FOCAD: variants seen among roughly 807,000 people sequenced by gnomAD.
The protein encoded by FOCAD is focadhesin.
Under a neutral mutation model 225.6 loss-of-function variants are expected in FOCAD, and 198 were observed. That is an observed-to-expected ratio of 0.88 (90% CI 0.78 to 0.99). FOCAD has a LOEUF of 0.99. Among genes scored for constraint, FOCAD ranks in the 50% least tolerant of loss-of-function variants. The pLI is 0.00. For missense variants in FOCAD, 2,713 were observed against 2,123.6 expected (o/e 1.28, Z -5.46); for synonymous variants, 897 against 755.0 (o/e 1.19, Z -3.08).
intron 28 of FOCAD, among the ~76,000 whole-genome samples, chr9:20,940,312 A>G (rs1052827732): frequency 5.0e-5 from 7 of 140,322 alleles, no homozygotes; most frequent in African/African-American, 1.9e-4. Context: ...GAGATAGGAT[A>G]TCACTCTGTT....
intron 18 of FOCAD, among the ~76,000 whole-genome samples, chr9:20,870,689 A>G (rs1179321359): frequency 7.9e-5 from 12 of 152,188 alleles, no homozygotes; most frequent in Non-Finnish European, 1.3e-4. Flanking sequence ...CTGATATTCT[A>G]TAGTGTTCTG....
chr9:20,978,816 T>G (rs1278240473), intron 37 of FOCAD, among the ~76,000 whole-genome samples: 1 of 152,214 alleles, frequency 6.6e-6, no homozygotes, highest in African/African-American at 2.4e-5. Flanking sequence ...AGAAAGGAAA[T>G]CCATATGTAC....
At chr9:20,910,629 C>CA (rs1480720093) in intron 22 of FOCAD, among the ~76,000 whole-genome samples, 7 of 151,796 alleles carry the variant, frequency 4.6e-5, no homozygotes, top group African/African-American at 1.5e-4. Context: ...ACAGGCAATC[C>CA]AAAAAAATCT....
At chr9:20,772,757 G>T (rs186089113) in intron 8 of FOCAD, among the ~76,000 whole-genome samples, 1 of 152,040 alleles carries the variant, frequency 6.6e-6, no homozygotes, top group African/African-American at 2.4e-5. Flanking sequence ...TTTGATGGAA[G>T]TTGGGAGCCC....
At chr9:20,690,741 G>A (rs940131557) in intron 1 of FOCAD, among the ~76,000 whole-genome samples, 1 of 151,998 alleles carries the variant, frequency 6.6e-6, no homozygotes, top group Non-Finnish European at 1.5e-5. Flanking sequence ...AGCGGTGGGG[G>A]TCTTACCATG....
chr9:20,810,302 A>G (rs1466745670), intron 11 of FOCAD, among the ~76,000 whole-genome samples: 1 of 152,134 alleles, frequency 6.6e-6, no homozygotes, highest in Admixed American at 6.6e-5. Flanking sequence ...GCTTACCTAG[A>G]TGAGCTATAT....
At chr9:20,826,892 A>G (rs377490433) in intron 15 of FOCAD, among the ~76,000 whole-genome samples, 18 of 152,214 alleles carry the variant, frequency 1.2e-4, no homozygotes, top group East Asian at 1.2e-3. Context: ...ATGTTCCTGC[A>G]TTCTCTTTTT....
chr9:20,763,296 G>A (rs924189097), intron 6 of FOCAD, among the ~76,000 whole-genome samples: 1 of 152,110 alleles, frequency 6.6e-6, no homozygotes, highest in Non-Finnish European at 1.5e-5. Context: ...AGTCTGGCAG[G>A]GGGATACAGA....
At chr9:20,926,041 C>T (rs552062930) in intron 25 of FOCAD, among the ~76,000 whole-genome samples, 1 of 152,134 alleles carries the variant, frequency 6.6e-6, no homozygotes, top group Non-Finnish European at 1.5e-5. Flanking sequence ...TTGGATAGTT[C>T]TGTTTTGCAG....
chr9:20,924,099 TA>T (rs1438903388), intron 25 of FOCAD, among the ~76,000 whole-genome samples: 1 of 152,234 alleles, frequency 6.6e-6, no homozygotes, highest in African/African-American at 2.4e-5. Flanking sequence ...AAATGATAAA[TA>T]AGCAGTGTTT....
In FOCAD at chr9:20,907,158, C is replaced by T; in HGVS notation, c.2634C>T (p.Ile878=). ...GTACATTTTTCCCATAGGTTCATATCCAGCTTTCAGAGTGGCACCGTGCAA... is the reference window on the plus strand; with the variant it reads ...GTACATTTTTCCCATAGGTTCATATTCAGCTTTCAGAGTGGCACCGTGCAA... ...TSLALVHEVH[I]QLSEWHRAIF... The change falls in exon 22 of 44, where the codon ATC becomes ATT. Residue 878 remains isoleucine (I), a synonymous_variant. Coordinates refer to ENST00000338382, the MANE Select transcript of FOCAD (RefSeq NM_001375567.1). 3 of 1,612,688 alleles carry T rather than the reference C, an allele frequency of 1.9e-6. No individual in the cohort carries two copies. In the South Asian group the frequency reaches 3.3e-5, roughly 18 times the overall value.
chr9:20,712,253 C>T (rs926022216), intron 1 of FOCAD, among the ~76,000 whole-genome samples: 2 of 152,186 alleles, frequency 1.3e-5, no homozygotes, highest in Non-Finnish European at 2.9e-5. Context: ...TTCCCCATGT[C>T]AGGTGATGGC....
chr9:20,991,812 C>CAAAAAAAAAAAAAAAAAA (rs58403366), intron 42 of FOCAD, among the ~76,000 whole-genome samples: 1 of 105,984 alleles, frequency 9.4e-6, no homozygotes, highest in Non-Finnish European at 1.9e-5. Context: ...GACTCTGTCT[C>CAAAAAAAAAAAAAAAAAA]AAAAAAAAAA....
rs1429191496 is a variant in FOCAD at position 20,949,595 on chromosome 9, T to C, written c.3877-9T>C. Reference sequence around the variant, plus strand: ...TGGGTGGGATGGGTATTTCTTCTTATTCTTTCAGCTGAAATCAGAAGCCAT... The same window carrying C: ...TGGGTGGGATGGGTATTTCTTCTTACTCTTTCAGCTGAAATCAGAAGCCAT... On this transcript the variant is annotated splice_polypyrimidine_tract_variant and intron_variant, in intron 32 of 43. Transcript: ENST00000338382. The C allele has an allele frequency of 5.6e-6, 9 of 1,612,428 alleles. No homozygotes were observed. The South Asian group carries it at 9.9e-5, about 18-fold the overall frequency.
At chr9:20,821,289 G>A (rs980199016) in intron 14 of FOCAD, among the ~76,000 whole-genome samples, 4 of 151,900 alleles carry the variant, frequency 2.6e-5, no homozygotes, top group African/African-American at 9.7e-5. Context: ...ATCTAGGTTC[G>A]TAGGATATTT....
chr9:20,918,033 G>A (rs571117074), intron 24 of FOCAD, among the ~76,000 whole-genome samples: 12 of 152,336 alleles, frequency 7.9e-5, no homozygotes, highest in Admixed American at 2.6e-4. Flanking sequence ...ACTCATTCTT[G>A]TCTTGTTTTC....
chr9:20,679,474 C>G (rs1225250129), upstream of FOCAD, among the ~76,000 whole-genome samples: 1 of 152,100 alleles, frequency 6.6e-6, no homozygotes, highest in Non-Finnish European at 1.5e-5. Context: ...GTGACATGAC[C>G]TTCCTTACAG....
At chr9:20,797,746 G>T (rs1198443671) in intron 11 of FOCAD, among the ~76,000 whole-genome samples, 1 of 152,108 alleles carries the variant, frequency 6.6e-6, no homozygotes, top group Non-Finnish European at 1.5e-5. Flanking sequence ...CAGATTTTGG[G>T]CTGAGACGAT....
At chr9:20,727,186 T>C (rs564704736) in intron 4 of FOCAD, among the ~76,000 whole-genome samples, 1 of 152,284 alleles carries the variant, frequency 6.6e-6, no homozygotes, top group African/African-American at 2.4e-5. Flanking sequence ...CCAATCCTTT[T>C]TTTTCCCCCT....
Sources: allele counts gnomAD v4.1 joint callset (sites outside exome capture counted in the v4.1 genomes callset), GRCh38; gene constraint gnomAD v4.1.1; transcripts MANE v1.5; gene names NCBI Gene and HGNC (gene_info 2026-07-23, HGNC 2026-07-21).